Variants in PALM2AKAP2 observed in about 807,000 individuals in gnomAD.
PALM2AKAP2 encodes the protein PALM2-AKAP2 fusion protein.
PALM2AKAP2 carries 37 observed loss-of-function variants against 71.5 expected under a neutral mutation model. The ratio of observed to expected loss-of-function variants is 0.52; its 90% CI spans 0.40 to 0.68. The LOEUF (loss-of-function observed/expected upper bound fraction) is 0.68. Ranked by LOEUF, PALM2AKAP2 falls within the 30% of genes least tolerant of loss-of-function variation. The pLI is 0.00. For synonymous variants in PALM2AKAP2, 468 were observed against 478.8 expected, an observed-to-expected ratio of 0.98 and a Z score of 0.29; for missense variants, 1,224 against 1,191.8, an observed-to-expected ratio of 1.03 and a Z score of -0.40.
intron 6 of PALM2AKAP2, among the ~76,000 whole-genome samples, chr9:109,997,601 A>G (rs1832597463): frequency 6.6e-6 from 1 of 152,228 alleles, no homozygotes; most frequent in Non-Finnish European, 1.5e-5. Flanking sequence ...AGAGGTTTCC[A>G]ATAACCTATG....
At chr9:109,894,868 G>A (rs1423588858) in intron 3 of PALM2AKAP2, among the ~76,000 whole-genome samples, 1 of 151,960 alleles carries the variant, frequency 6.6e-6, no homozygotes, top group Non-Finnish European at 1.5e-5. Flanking sequence ...CTCCCATCTC[G>A]GCTTCCCAGA....
chr9:109,953,264 T>C (rs1438594580), intron 6 of PALM2AKAP2, among the ~76,000 whole-genome samples: 1 of 152,210 alleles, frequency 6.6e-6, no homozygotes, highest in Non-Finnish European at 1.5e-5. Flanking sequence ...ATGAGAAAAT[T>C]AGAACTTTGG....
At chr9:109,848,940 A>G (rs145243312) in intron 1 of PALM2AKAP2, among the ~76,000 whole-genome samples, 179 of 152,204 alleles carry the variant, frequency 1.2e-3, no homozygotes, top group African/African-American at 4.2e-3. Flanking sequence ...AGACTTGAGT[A>G]GTTGTAACGG....
intron 1 of PALM2AKAP2, among the ~76,000 whole-genome samples, chr9:109,788,643 T>G (rs914603204): frequency 6.6e-6 from 1 of 152,216 alleles, no homozygotes; most frequent in Non-Finnish European, 1.5e-5. Flanking sequence ...GATTATGACC[T>G]GGGTCCTGAT....
chr9:110,033,249 G>T (rs1280071854), intron 7 of PALM2AKAP2, among the ~76,000 whole-genome samples: 2 of 152,142 alleles, frequency 1.3e-5, no homozygotes, highest in African/African-American at 4.8e-5. Flanking sequence ...AAGAGAAATG[G>T]TATTGCAAAA....
At chr9:109,983,030 A>C (rs1832305359) in intron 6 of PALM2AKAP2, among the ~76,000 whole-genome samples, 1 of 152,240 alleles carries the variant, frequency 6.6e-6, no homozygotes, top group Non-Finnish European at 1.5e-5. Flanking sequence ...AACAAGAAAT[A>C]GAAGAGGGCA....
chr9:109,933,033 C>G (rs1189253021), intron 6 of PALM2AKAP2, among the ~76,000 whole-genome samples: 1 of 152,198 alleles, frequency 6.6e-6, no homozygotes, highest in African/African-American at 2.4e-5. Flanking sequence ...ACATAGTTGT[C>G]ACGTCCACTG....
intron 1 of PALM2AKAP2, among the ~76,000 whole-genome samples, chr9:109,858,284 T>C (rs556597560): frequency 2.8e-4 from 42 of 152,348 alleles, no homozygotes; most frequent in Non-Finnish European, 5.0e-4. Flanking sequence ...AGATTAAACA[T>C]GTTAAATCAC....
chr9:109,934,127 CA>C (rs1287029787), intron 6 of PALM2AKAP2, among the ~76,000 whole-genome samples: 2 of 152,200 alleles, frequency 1.3e-5, no homozygotes, highest in East Asian at 1.9e-4. Flanking sequence ...CATTGCTTTT[CA>C]GAATTAGGAG....
chr9:109,661,887 T>A (rs1207005631), intron 1 of PALM2AKAP2, among the ~76,000 whole-genome samples: 1 of 152,218 alleles, frequency 6.6e-6, no homozygotes, highest in East Asian at 1.9e-4. Flanking sequence ...TTCACATCCC[T>A]TGTAAGTTGG....
intron 6 of PALM2AKAP2, chr9:109,942,919 A>G: frequency 6.2e-7 from 1 of 1,614,240 alleles, no homozygotes; most frequent in East Asian, 2.2e-5. Flanking sequence ...TGGACAATCA[A>G]GCTTAGGAGG....
intron 6 of PALM2AKAP2, among the ~76,000 whole-genome samples, chr9:109,999,292 T>G (rs964983499): frequency 6.6e-6 from 1 of 151,092 alleles, no homozygotes; most frequent in Admixed American, 6.6e-5. Flanking sequence ...TGAGCCAAGA[T>G]CACACCAAGA....
chr9:109,888,490 C>T (rs1365274259), intron 3 of PALM2AKAP2, among the ~76,000 whole-genome samples: 1 of 152,044 alleles, frequency 6.6e-6, no homozygotes, highest in Non-Finnish European at 1.5e-5. Flanking sequence ...AGATGGATCA[C>T]CTGAGGTCAG....
At chr9:109,825,175 T>A (rs1192630294) in intron 1 of PALM2AKAP2, among the ~76,000 whole-genome samples, 1 of 152,238 alleles carries the variant, frequency 6.6e-6, no homozygotes, top group African/African-American at 2.4e-5. Flanking sequence ...AAGCTGAAAC[T>A]GGATCCCCTC....
At chr9:109,811,015 A>G (rs1827713991) in intron 1 of PALM2AKAP2, among the ~76,000 whole-genome samples, 2 of 152,126 alleles carry the variant, frequency 1.3e-5, no homozygotes, top group Admixed American at 6.5e-5. Flanking sequence ...GGTGTTGGAA[A>G]TTTGAGGAGA....
rs374016748 is a variant in PALM2AKAP2, at chr9:109,752,394, C to T, written c.6-28094C>T. On this transcript the variant is annotated intron_variant, in intron 1 of 6. Coordinates refer to the PALM2AKAP2 transcript ENST00000374531. ...TTTTGACTCAGGTCTGGGATGGGTCCTGAGAGTCTGCATTTCTAAGGAGCT... is the reference window on the plus strand; with the variant it reads ...TTTTGACTCAGGTCTGGGATGGGTCTTGAGAGTCTGCATTTCTAAGGAGCT... Among the ~76,000 whole-genome samples, 40 of 152,180 alleles carry T rather than the reference C, an allele frequency of 2.6e-4. No individual in the cohort carries two copies. The South Asian group carries it at 8.3e-3, about 32-fold the overall frequency.
upstream of PALM2AKAP2, among the ~76,000 whole-genome samples, chr9:109,775,600 C>A (rs1829338510): frequency 6.6e-6 from 1 of 152,142 alleles, no homozygotes; most frequent in Admixed American, 6.5e-5. Context: ...AGATCCCAGG[C>A]AAAAAAGAAC....
chr9:109,780,852 C>T lies in PALM2AKAP2; in HGVS notation c.45+319C>T, dbSNP rs555096689. Among the ~76,000 whole-genome samples, 3 of 152,266 alleles carry T rather than the reference C, an allele frequency of 2.0e-5. No individual in the cohort carries two copies. In the South Asian group the frequency reaches 6.2e-4, roughly 32 times the overall value. ...TCCAGGAATATTATGACCGAATGCT[C>T]AGGCATACGTTGGCTTCATAGCCTG... On this transcript the variant is annotated intron_variant, in intron 1 of 9. Coordinates refer to the PALM2AKAP2 transcript ENST00000302798.
chr9:110,064,990 G>T (rs56375930), intron 1 of PALM2AKAP2, among the ~76,000 whole-genome samples: 7,207 of 152,214 alleles, frequency 0.047, 541 homozygotes, highest in African/African-American at 0.15. Flanking sequence ...TGTTCTGAGG[G>T]TGACCTGCAG....
Sources: allele counts gnomAD v4.1 joint callset (sites outside exome capture counted in the v4.1 genomes callset), GRCh38; gene constraint gnomAD v4.1.1; transcripts MANE v1.5; gene names NCBI Gene and HGNC (gene_info 2026-07-23, HGNC 2026-07-21).